The following XPOT variants were observed in gnomAD, a reference collection of about 807,000 sequenced individuals.
The protein encoded by XPOT is exportin-T.
A neutral mutation model predicts 128.2 loss-of-function variants in XPOT; 34 were observed. That is an observed-to-expected ratio of 0.27 (90% CI 0.20 to 0.35). The LOEUF is 0.35. Ranked by LOEUF, XPOT falls within the 10% of genes least tolerant of loss-of-function variation. The pLI is 1.00. For synonymous variants in XPOT, 348 were observed against 394.3 expected (o/e 0.88, Z 1.39); for missense variants, 838 against 1,125.3 (o/e 0.74, Z 3.65).
intron 2 of XPOT, among the ~76,000 whole-genome samples, chr12:64,411,104 A>G (rs2040034946): frequency 6.6e-6 from 1 of 152,222 alleles, no homozygotes; most frequent in Admixed American, 6.5e-5. Context: ...CTTCAGATAC[A>G]GGAAAATAAT....
In XPOT at chr12:64,451,086, ATTGT is replaced by A. The variant is rs2040409360; in HGVS notation, c.*2958_*2961del. ...GTTAGAATGATTCCATCACTTATAC[ATTGT>A]TTAAAATGCTAATAAAGTAACTTGC... On this transcript the variant is annotated 3_prime_UTR_variant, in exon 25 of 25. Coordinates refer to ENST00000332707, the MANE Select transcript of XPOT (RefSeq NM_007235.6). 1 of 152,236 alleles carries A rather than the reference ATTGT, an allele frequency of 6.6e-6. No individual in the cohort carries two copies. Among genetic ancestry groups the A allele is most frequent in the Non-Finnish European group, 1.5e-5 (1 of 68,044 alleles). 9.4% of individuals were successfully genotyped at this position (152,236 alleles called of 1,614,324 possible). A position where few individuals can be genotyped will look rare whatever the true frequency, so the allele number is the denominator to read the frequency against.
chr12:64,407,625 C>G (rs1005865346), intron 1 of XPOT, among the ~76,000 whole-genome samples: 10 of 152,058 alleles, frequency 6.6e-5, no homozygotes, highest in Admixed American at 6.6e-4. Flanking sequence ...GAGATGGCTT[C>G]TAAGTTGAAT....
intron 15 of XPOT, 47 bp from the exon 16 acceptor site, chr12:64,428,004 G>A: frequency 1.5e-6 from 2 of 1,308,350 alleles, no homozygotes; most frequent in Admixed American, 3.7e-5. Context: ...TTTTAGCACT[G>A]TTTTGAGCAC....
At chr12:64,412,013 C>G (rs969595451) in intron 2 of XPOT, among the ~76,000 whole-genome samples, 1 of 143,366 alleles carries the variant, frequency 7.0e-6, no homozygotes, top group Non-Finnish European at 1.5e-5. Flanking sequence ...TCCTCTCACC[C>G]CTGCCCCGCC....
At chr12:64,434,482 T>A (rs139435309) in intron 19 of XPOT, 25 bp from the exon 20 acceptor site, 1 of 1,568,938 alleles carries the variant, frequency 6.4e-7, no homozygotes, top group East Asian at 2.3e-5. Flanking sequence ...TGGAAATTGC[T>A]TAAACTAAAG....
intron 1 of XPOT, among the ~76,000 whole-genome samples, chr12:64,408,224 C>T (rs572167022): frequency 6.6e-6 from 1 of 152,294 alleles, no homozygotes; most frequent in East Asian, 1.9e-4. Flanking sequence ...ATTCTCCTGC[C>T]TCAGCCTCCC....
intron 14 of XPOT, 149 bp downstream of exon 14, chr12:64,425,606 C>A (rs2040185385): frequency 1.8e-6 from 2 of 1,082,634 alleles, no homozygotes; most frequent in African/African-American, 3.2e-5. Context: ...TCCTCCATTT[C>A]TTTTAAATGG....
At chr12:64,438,106 T>A (rs1297670522) in intron 22 of XPOT, among the ~76,000 whole-genome samples, 1 of 152,164 alleles carries the variant, frequency 6.6e-6, no homozygotes. Context: ...TCAAGGTGGA[T>A]GTGGATGAAG....
At chr12:64,428,253 A>G (rs920233121) in intron 16 of XPOT, 133 bp downstream of exon 16, 5 of 593,318 alleles carry the variant, frequency 8.4e-6, no homozygotes, top group East Asian at 2.9e-5. Context: ...GATTAGTTCT[A>G]TTTACCAAAA....
chr12:64,427,683 C>T lies in XPOT; in HGVS notation c.1668-368C>T, dbSNP rs2040204512. ...CTAATTTTTGTATTTTTTGTAGAATCAGTCTCACCACATTGCCCAGCCTGG... is the reference window on the plus strand; with the variant it reads ...CTAATTTTTGTATTTTTTGTAGAATTAGTCTCACCACATTGCCCAGCCTGG... On this transcript the variant is annotated intron_variant, in intron 15 of 24. Transcript: ENST00000332707. Among the ~76,000 whole-genome samples, 5 of 152,060 alleles carry T rather than the reference C, an allele frequency of 3.3e-5. No homozygotes were observed. The South Asian group carries it at 1.0e-3, about 32-fold the overall frequency.
intron 4 of XPOT, among the ~76,000 whole-genome samples, chr12:64,416,990 A>G (rs1264213921): frequency 6.6e-6 from 1 of 152,258 alleles, no homozygotes; most frequent in East Asian, 1.9e-4. Flanking sequence ...AGGCCGGTAG[A>G]TCACTTGAAG....
chr12:64,405,805 A>C (rs12322224), intron 1 of XPOT, among the ~76,000 whole-genome samples: 1 of 151,940 alleles, frequency 6.6e-6, no homozygotes, highest in East Asian at 1.9e-4. Context: ...TTTCGTAGAG[A>C]TGGAGTTTCA....
chr12:64,406,181 G>A (rs1228107400), intron 1 of XPOT, among the ~76,000 whole-genome samples: 2 of 146,938 alleles, frequency 1.4e-5, no homozygotes, highest in African/African-American at 5.0e-5. Flanking sequence ...GTTCATGCGA[G>A]TCTTCTGCCT....
chr12:64,428,531 A>C (rs1177236759), intron 16 of XPOT, among the ~76,000 whole-genome samples: 2 of 152,122 alleles, frequency 1.3e-5, no homozygotes, highest in African/African-American at 4.8e-5. Context: ...TGTTAGATCG[A>C]AGGTTTTCCC....
At position 64,411,635 on chromosome 12, in the gene XPOT, A is replaced by G. The variant is rs142490026; in HGVS notation, c.60+1540A>G. On this transcript the variant is annotated intron_variant, in intron 2 of 24. Coordinates refer to ENST00000332707, the MANE Select transcript of XPOT (RefSeq NM_007235.6). ...ATCCATTTAGCCAATCTGAATAACAATTTATTAGGATGAAAGGGAAGAAAT... is the reference window on the plus strand; with the variant it reads ...ATCCATTTAGCCAATCTGAATAACAGTTTATTAGGATGAAAGGGAAGAAAT... Among the ~76,000 whole-genome samples the G allele has an allele frequency of 4.2e-4, 64 of 152,340 alleles. 1 individual carries two copies. The highest frequency in any genetic ancestry group is 1.9e-3 in the South Asian group (9 of 4,828).
At chr12:64,412,028 G>A (rs1316275450) in intron 2 of XPOT, among the ~76,000 whole-genome samples, 4 of 82,228 alleles carry the variant, frequency 4.9e-5, no homozygotes, top group South Asian at 8.1e-4. Context: ...CCCGCCCCCC[G>A]CCCTTTTTTT....
At chr12:64,406,713 CT>C (rs1356147036) in intron 1 of XPOT, among the ~76,000 whole-genome samples, 1 of 152,104 alleles carries the variant, frequency 6.6e-6, no homozygotes, top group Non-Finnish European at 1.5e-5. Context: ...TTCAAGGAAG[CT>C]TTTATTGGAC....
At chr12:64,414,261 T>G (rs1354530433) in intron 2 of XPOT, among the ~76,000 whole-genome samples, 1 of 152,206 alleles carries the variant, frequency 6.6e-6, no homozygotes, top group Non-Finnish European at 1.5e-5. Flanking sequence ...TACTTGTGAT[T>G]ACAAGGCCCT....
chr12:64,418,861 TTCTC>T lies in XPOT; in HGVS notation c.271-13_271-10del. ...ATTTACATTTAATTTTATGGACTGTTTCTCTGTTTGTCAGATGCTGAATCCCCAA... is the reference window on the plus strand; with the variant it reads ...ATTTACATTTAATTTTATGGACTGTTTGTTTGTCAGATGCTGAATCCCCAA... On this transcript the variant is annotated splice_polypyrimidine_tract_variant and intron_variant, in intron 5 of 24. Coordinates refer to ENST00000332707, the MANE Select transcript of XPOT (RefSeq NM_007235.6). 1.2e-6 allele frequency: 2 copies of T among 1,611,430 alleles called. No individual in the cohort carries two copies. The highest frequency in any genetic ancestry group is 1.7e-6 in the Non-Finnish European group (2 of 1,178,628).
Sources: gnomAD v4.1 joint callset for allele counts (sites outside exome capture counted in the v4.1 genomes callset) on GRCh38, gnomAD v4.1.1 for gene constraint, MANE v1.5 for transcripts, NCBI Gene and HGNC (gene_info 2026-07-23, HGNC 2026-07-21) for gene names.